Variants in TNNI3K observed in about 807,000 individuals in gnomAD.
TNNI3K encodes serine/threonine-protein kinase TNNI3K.
Under a neutral mutation model 114.5 loss-of-function variants are expected in TNNI3K, and 140 were observed. The observed-to-expected ratio is 1.22, with a 90% CI of 1.07 to 1.41. The LOEUF is 1.41. Among genes scored for constraint, TNNI3K ranks in the 40% most tolerant of loss-of-function variants. The pLI is 0.00. For synonymous variants in TNNI3K, 347 were observed against 347.5 expected (o/e 1.00, Z 0.02); for missense variants, 1,125 against 1,007.6 (o/e 1.12, Z -1.58).
chr1:74,329,229 G>C (rs1182410499), intron 5 of TNNI3K, among the ~76,000 whole-genome samples: 1 of 152,050 alleles, frequency 6.6e-6, no homozygotes, highest in Non-Finnish European at 1.5e-5. Context: ...AAAATGGAGA[G>C]GAGCACCTCT....
chr1:74,454,595 C>T (rs1667156058), intron 20 of TNNI3K, among the ~76,000 whole-genome samples: 1 of 152,142 alleles, frequency 6.6e-6, no homozygotes, highest in South Asian at 2.1e-4. Context: ...ATATGTACCA[C>T]ATTTTCTTTA....
intron 19 of TNNI3K, 111 bp from the exon 20 acceptor site, chr1:74,439,379 C>T (rs1039891106): frequency 1.5e-5 from 23 of 1,490,880 alleles, no homozygotes; most frequent in Non-Finnish European, 2.1e-5. Flanking sequence ...ATATTTATGC[C>T]TTTTGAGAGC....
chr1:74,492,049 C>T (rs1476919676), intron 22 of TNNI3K, 48 bp from the exon 23 acceptor site: 1 of 1,426,914 alleles, frequency 7.0e-7, no homozygotes, highest in Non-Finnish European at 9.3e-7. Context: ...TATGTCTTCA[C>T]ACCTGTTGGA....
chr1:74,249,587 G>A (rs754610027), intron 3 of TNNI3K, 43 bp downstream of exon 3: 2 of 1,576,314 alleles, frequency 1.3e-6, no homozygotes, highest in Admixed American at 3.5e-5. Flanking sequence ...GGTTATATGT[G>A]TATATCGTCA....
At chr1:74,392,897 A>G (rs1047009498) in intron 17 of TNNI3K, among the ~76,000 whole-genome samples, 2 of 152,268 alleles carry the variant, frequency 1.3e-5, no homozygotes, top group African/African-American at 4.8e-5. Flanking sequence ...AAGTGTCTTC[A>G]GGAATACAAA....
At chr1:74,534,876 G>A (rs568814725) in intron 23 of TNNI3K, among the ~76,000 whole-genome samples, 20 of 152,266 alleles carry the variant, frequency 1.3e-4, no homozygotes, top group African/African-American at 4.6e-4. Flanking sequence ...TGGAAATGTA[G>A]TTCCTCCTTT....
chr1:74,430,006 G>A (rs941160792), intron 17 of TNNI3K, among the ~76,000 whole-genome samples: 2 of 152,048 alleles, frequency 1.3e-5, no homozygotes, highest in African/African-American at 4.8e-5. Context: ...GTTTTTGTTA[G>A]TAACAACTGA....
chr1:74,516,144 T>G (rs1322754422), intron 23 of TNNI3K, among the ~76,000 whole-genome samples: 3 of 152,222 alleles, frequency 2.0e-5, no homozygotes, highest in Non-Finnish European at 4.4e-5. Flanking sequence ...TTATTGATAA[T>G]AACTCTGGTA....
intron 5 of TNNI3K, among the ~76,000 whole-genome samples, chr1:74,301,970 TC>T (rs1162341761): frequency 2.0e-5 from 3 of 152,198 alleles, no homozygotes; most frequent in South Asian, 2.1e-4. Context: ...GAAATGAACT[TC>T]CATAGCATAC....
chr1:74,489,265 C>T lies in TNNI3K; in HGVS notation c.2181+17C>T, dbSNP rs752739866. The T allele has an allele frequency of 3.7e-6, 6 of 1,603,678 alleles. No individual in the cohort carries two copies. The Admixed American group carries it at 5.2e-5, about 14-fold the overall frequency. On this transcript the variant is annotated intron_variant, in intron 22 of 24. Transcript: ENST00000326637. ...AACATTGAGGTAAAAGCTTTAGCTT[C>T]TGAAATATGTCCATAAAAAAGCCCT...
chr1:74,329,599 G>T (rs1295346219), intron 5 of TNNI3K, among the ~76,000 whole-genome samples: 3 of 151,912 alleles, frequency 2.0e-5, no homozygotes, highest in Non-Finnish European at 2.9e-5. Flanking sequence ...AATAGTTTTG[G>T]CTCATATTTG....
intron 5 of TNNI3K, among the ~76,000 whole-genome samples, chr1:74,291,270 A>AT (rs1235089794): frequency 6.6e-6 from 1 of 151,414 alleles, no homozygotes; most frequent in South Asian, 2.1e-4. Flanking sequence ...AATATTTTTA[A>AT]TTTTTTCTGT....
chr1:74,433,721 G>C (rs1257868272), intron 17 of TNNI3K, among the ~76,000 whole-genome samples: 1 of 151,986 alleles, frequency 6.6e-6, no homozygotes, highest in African/African-American at 2.4e-5. Flanking sequence ...TTTTGAATGT[G>C]ACCTCAATGT....
intron 23 of TNNI3K, among the ~76,000 whole-genome samples, chr1:74,503,155 G>T (rs1669721614): frequency 6.6e-6 from 1 of 152,124 alleles, no homozygotes. Context: ...GCTGACATTT[G>T]TGGGCAACAA....
At chr1:74,438,584 T>A (rs1666237979) in intron 19 of TNNI3K, among the ~76,000 whole-genome samples, 1 of 152,064 alleles carries the variant, frequency 6.6e-6, no homozygotes, top group Admixed American at 6.6e-5. Flanking sequence ...AAACATGACA[T>A]ACTGAACAGC....
intron 23 of TNNI3K, among the ~76,000 whole-genome samples, chr1:74,510,001 G>A (rs988030413): frequency 6.6e-6 from 1 of 152,024 alleles, no homozygotes; most frequent in Non-Finnish European, 1.5e-5. Context: ...CGATCTGCTT[G>A]CTTTCCAAGG....
intron 5 of TNNI3K, among the ~76,000 whole-genome samples, chr1:74,326,924 T>C (rs573257977): frequency 6.6e-6 from 1 of 151,878 alleles, no homozygotes; most frequent in South Asian, 2.1e-4. Context: ...CTACTAAAAA[T>C]ACAAAAATTA....
chr1:74,494,042 T>G (rs1055048964), intron 23 of TNNI3K, among the ~76,000 whole-genome samples: 2 of 152,170 alleles, frequency 1.3e-5, no homozygotes, highest in African/African-American at 4.8e-5. Context: ...AGGCAGTCAC[T>G]GTGAGCTTCA....
At chr1:74,407,559 G>A (rs765338876) in intron 17 of TNNI3K, among the ~76,000 whole-genome samples, 1 of 152,134 alleles carries the variant, frequency 6.6e-6, no homozygotes, top group Non-Finnish European at 1.5e-5. Context: ...ACATATTTGA[G>A]TGGAATTTGG....
Sources: gnomAD v4.1 joint callset for allele counts (sites outside exome capture counted in the v4.1 genomes callset) on GRCh38, gnomAD v4.1.1 for gene constraint, MANE v1.5 for transcripts, NCBI Gene and HGNC (gene_info 2026-07-23, HGNC 2026-07-21) for gene names.